The following GRIP1 variants were observed in gnomAD, a reference collection of about 807,000 sequenced individuals.
GRIP1 encodes glutamate receptor interacting protein 1, also known as glutamate receptor-interacting protein 1.
Under a neutral mutation model 129.9 loss-of-function variants are expected in GRIP1, and 45 were observed. That is an observed-to-expected ratio of 0.35 (90% CI 0.27 to 0.44). The LOEUF is 0.44. GRIP1 is among the 20% of genes least tolerant of loss of function. The pLI is 1.00. For missense variants in GRIP1, 1,196 were observed against 1,396.8 expected (o/e 0.86, Z 2.29); for synonymous variants, 530 against 520.8 (o/e 1.02, Z -0.24).
Position 66,497,186 on chromosome 12 carries a change from T to C in GRIP1, c.724+18433A>G, listed in dbSNP as rs139979990. On this transcript the variant is annotated intron_variant, in intron 7 of 24. Transcript: ENST00000359742. ...GTCCCTGCCCTTCTGGTACTTATTG[T>C]CTAATGAAAGAGACCAACAGCTTAG... 5.2e-4 allele frequency among the ~76,000 whole-genome samples: 79 copies of C among 152,302 alleles called. 1 individual carries two copies. In the East Asian group the frequency reaches 0.015, roughly 29 times the overall value.
intron 1 of GRIP1, among the ~76,000 whole-genome samples, chr12:66,650,207 G>A (rs929705058): frequency 3.9e-5 from 6 of 152,070 alleles, no homozygotes; most frequent in Non-Finnish European, 7.4e-5. Flanking sequence ...CTCAGTTTAA[G>A]CCACTGATAG....
At chr12:66,443,305 G>A (rs1039889129) in intron 13 of GRIP1, among the ~76,000 whole-genome samples, 9 of 152,086 alleles carry the variant, frequency 5.9e-5, no homozygotes, top group Non-Finnish European at 8.8e-5. Context: ...ATATTTAATC[G>A]AGTTCCTTTT....
At chr12:67,008,339 G>T (rs552016780) in intron 1 of GRIP1, among the ~76,000 whole-genome samples, 1 of 152,106 alleles carries the variant, frequency 6.6e-6, no homozygotes, top group South Asian at 2.1e-4. Context: ...GTTTGGATAA[G>T]CAAGTCTCAA....
chr12:67,035,807 T>C (rs1280775070), intron 1 of GRIP1: 1 of 152,222 alleles, frequency 6.6e-6, no homozygotes, highest in African/African-American at 2.4e-5. Flanking sequence ...CTAGTCTTTA[T>C]ATTCTACACA....
intron 1 of GRIP1, among the ~76,000 whole-genome samples, chr12:66,708,221 G>A (rs1010975824): frequency 3.3e-5 from 5 of 151,844 alleles, no homozygotes; most frequent in Admixed American, 1.3e-4. Flanking sequence ...AATGGAATGA[G>A]GTTGCTCATA....
At chr12:66,524,441 C>T (rs1317960339) in intron 5 of GRIP1, among the ~76,000 whole-genome samples, 3 of 151,950 alleles carry the variant, frequency 2.0e-5, no homozygotes, top group Non-Finnish European at 2.9e-5. Flanking sequence ...GGGTACATAA[C>T]GAAATGAAGG....
chr12:66,895,822 C>A (rs958417989), intron 1 of GRIP1, among the ~76,000 whole-genome samples: 2 of 152,142 alleles, frequency 1.3e-5, no homozygotes, highest in Non-Finnish European at 2.9e-5. Flanking sequence ...TGTTTCTTAT[C>A]ATATTTTTAA....
At chr12:66,915,216 A>G (rs1457579029) in intron 1 of GRIP1, among the ~76,000 whole-genome samples, 1 of 152,174 alleles carries the variant, frequency 6.6e-6, no homozygotes, top group Admixed American at 6.5e-5. Context: ...TTTTAACTCT[A>G]AAAGGAATAA....
At chr12:66,923,693 G>T (rs2041249607) in intron 1 of GRIP1, among the ~76,000 whole-genome samples, 1 of 152,142 alleles carries the variant, frequency 6.6e-6, no homozygotes, top group Admixed American at 6.5e-5. Context: ...GAAAGACCTG[G>T]TTGAAATCCC....
chr12:66,373,711 A>C (rs958691179), intron 22 of GRIP1, among the ~76,000 whole-genome samples: 1 of 152,278 alleles, frequency 6.6e-6, no homozygotes, highest in Non-Finnish European at 1.5e-5. Flanking sequence ...TATCTCACTG[A>C]TAATTTTGAA....
chr12:67,021,940 T>A (rs2042873155), intron 1 of GRIP1, among the ~76,000 whole-genome samples: 1 of 152,196 alleles, frequency 6.6e-6, no homozygotes, highest in Admixed American at 6.5e-5. Flanking sequence ...TCACTCAACA[T>A]GATATCCTCC....
intron 2 of GRIP1, among the ~76,000 whole-genome samples, chr12:66,587,169 T>C (rs2063672098): frequency 6.6e-6 from 1 of 152,226 alleles, no homozygotes; most frequent in Non-Finnish European, 1.5e-5. Context: ...AGAAGTTTCT[T>C]TCTCTGTTTA....
At chr12:66,778,524 T>TAGTG (rs1424043832) in intron 1 of GRIP1, among the ~76,000 whole-genome samples, 1 of 152,072 alleles carries the variant, frequency 6.6e-6, no homozygotes, top group Non-Finnish European at 1.5e-5. Context: ...CTAGAGGAAA[T>TAGTG]AGTGTATAAA....
rs1353365648 is a variant in GRIP1, at chr12:66,529,894, T to C, written c.439A>G (p.Ile147Val). The change falls in exon 5 of 25, where the codon ATT becomes GTT. Residue 147 changes from isoleucine (I) to valine (V), a missense_variant. This residue lies in a region of GRIP1 where 217 missense variants were observed against 224.8 expected (regional missense o/e 0.97). Transcript: ENST00000359742. The part of the protein sequence containing the change: ...PPVSVQGSSV[I>V]FRTVEVTLHK... ...AATGTGACCTCCACTGTTCGGAAAA[T>C]AACACTTGATCCTTGCACAGCTGAA... The C allele has an allele frequency of 6.3e-7, 1 of 1,597,936 alleles. No homozygotes were observed. The highest frequency in any genetic ancestry group is 8.6e-7 in the Non-Finnish European group (1 of 1,165,268).
intron 12 of GRIP1, 139 bp downstream of exon 12, chr12:66,445,183 A>C: frequency 7.7e-6 from 6 of 781,922 alleles, no homozygotes; most frequent in Non-Finnish European, 1.3e-5. Context: ...AAGAACATAA[A>C]ATTTTATTGT....
intron 1 of GRIP1, among the ~76,000 whole-genome samples, chr12:66,996,506 G>A (rs764497051): frequency 9.9e-5 from 15 of 152,230 alleles, no homozygotes; most frequent in African/African-American, 3.1e-4. Context: ...AGCAGTGCCA[G>A]AGAATCACCT....
intron 1 of GRIP1, among the ~76,000 whole-genome samples, chr12:66,939,132 C>A (rs1439100611): frequency 6.6e-6 from 1 of 151,986 alleles, no homozygotes; most frequent in African/African-American, 2.4e-5. Context: ...AGAGCAGTTC[C>A]CTTAGTTAAG....
chr12:66,954,160 A>T (rs959437716), intron 1 of GRIP1, among the ~76,000 whole-genome samples: 1 of 152,090 alleles, frequency 6.6e-6, no homozygotes, highest in Non-Finnish European at 1.5e-5. Context: ...TGCCTGGTCC[A>T]TCTAAATCCC....
intron 1 of GRIP1, among the ~76,000 whole-genome samples, chr12:66,794,059 C>T (rs1255664546): frequency 6.6e-6 from 1 of 152,140 alleles, no homozygotes. Flanking sequence ...ATAAACACTG[C>T]TTTCCCCTTC....
Sources: allele counts gnomAD v4.1 joint callset (sites outside exome capture counted in the v4.1 genomes callset), GRCh38; gene constraint gnomAD v4.1.1; regional missense constraint gnomAD v4.1.1; transcripts MANE v1.5; gene names NCBI Gene and HGNC (gene_info 2026-07-23, HGNC 2026-07-21).